The following MCF2 variants were observed in gnomAD, a reference collection of about 807,000 sequenced individuals.
MCF2 encodes the protein MCF.2 cell line derived transforming sequence, also known as proto-oncogene DBL.
Under a neutral mutation model 82.5 loss-of-function variants are expected in MCF2, and 44 were observed. The observed-to-expected ratio is 0.53, with a 90% CI of 0.42 to 0.69. MCF2 has a LOEUF of 0.69. Ranked by LOEUF, MCF2 falls within the 30% of genes least tolerant of loss-of-function variation. The pLI is 0.00. For missense variants in MCF2, 623 were observed against 663.1 expected (o/e 0.94, Z 0.66); for synonymous variants, 217 against 224.9 (o/e 0.96, Z 0.32).
At chrX:139,706,887 T>C (rs950421188) in intron 1 of MCF2, among the ~76,000 whole-genome samples, 70 of 109,819 alleles carry the variant, frequency 6.4e-4, no homozygotes, top group African/African-American at 2.0e-3. Context: ...TTTTCAGACA[T>C]AATTATTATT....
At chrX:139,647,458 G>A (rs1221719796), upstream of MCF2, among the ~76,000 whole-genome samples, 1 of 111,737 alleles carries the variant, frequency 8.9e-6, no homozygotes, top group Non-Finnish European at 1.9e-5. Context: ...AATTATCTGT[G>A]GGTCAAAATT....
At chrX:139,588,137 C>A (rs867445372) in intron 21 of MCF2, among the ~76,000 whole-genome samples, 11 of 111,762 alleles carry the variant, frequency 9.8e-5, no homozygotes, top group Middle Eastern at 9.3e-3. Context: ...TTCTCAACTG[C>A]TTCTTAAGCA....
intron 4 of MCF2, among the ~76,000 whole-genome samples, chrX:139,628,476 G>A (rs1056976240): frequency 5.4e-5 from 6 of 111,209 alleles, no homozygotes; most frequent in African/African-American, 2.0e-4. Context: ...CTAGAGGAAG[G>A]AGGGTGGGAG....
chrX:139,613,215 C>T lies in MCF2; in HGVS notation c.1363+1666G>A, dbSNP rs1931628491. 9 of 1,137,756 alleles carry T rather than the reference C, an allele frequency of 7.9e-6. No individual in the cohort carries two copies. Among genetic ancestry groups the T allele is most frequent in the Non-Finnish European group, 9.4e-6 (8 of 850,827 alleles). 93.8% of individuals were successfully genotyped at this position (1,137,756 alleles called of 1,213,427 possible). ...AAAAGTAATATAATAAAGATGGGTA[C>T]CTTTTGAAAAAAGTTTACATGCTTG... On this transcript the variant is annotated intron_variant, in intron 10 of 24. Transcript: ENST00000370576.
intron 15 of MCF2, 28 bp downstream of exon 19, chrX:139,604,653 T>C (rs1306413301): frequency 1.0e-6 from 1 of 988,761 alleles, no homozygotes; most frequent in African/African-American, 1.9e-5. Context: ...TGCATATTTA[T>C]ATATATTTAA....
chrX:139,594,067 A>C (rs1906165217), intron 19 of MCF2, among the ~76,000 whole-genome samples: 1 of 111,258 alleles, frequency 9.0e-6, no homozygotes, highest in African/African-American at 3.3e-5. Flanking sequence ...TGCTCAATGA[A>C]ATAAAAGAGG....
chrX:139,598,728 AT>A (rs1173359828), intron 16 of MCF2, among the ~76,000 whole-genome samples: 1 of 112,022 alleles, frequency 8.9e-6, no homozygotes, highest in African/African-American at 3.2e-5. Context: ...CATTTCAAAG[AT>A]TTAAAAGTTT....
intron 12 of MCF2, among the ~76,000 whole-genome samples, chrX:139,606,016 CATAT>C (rs71534302): frequency 1.0e-5 from 1 of 96,767 alleles, no homozygotes; most frequent in Non-Finnish European, 2.0e-5. Context: ...ATATATATAA[CATAT>C]ATATATATAT....
At chrX:139,693,985 G>A (rs1935331400) in intron 1 of MCF2, among the ~76,000 whole-genome samples, 2 of 112,085 alleles carry the variant, frequency 1.8e-5, no homozygotes, top group Admixed American at 1.9e-4. Context: ...CACTATACAT[G>A]TGTATGGGGA....
At chrX:139,678,085 C>T (rs138747439) in intron 1 of MCF2, among the ~76,000 whole-genome samples, 1,825 of 111,538 alleles carry the variant, frequency 0.016, 40 homozygotes, top group African/African-American at 0.056. Context: ...ATCGCTTGAG[C>T]CCAGGAGGTC....
At chrX:139,706,828 C>T (rs1038720877) in intron 1 of MCF2, among the ~76,000 whole-genome samples, 34 of 110,107 alleles carry the variant, frequency 3.1e-4, no homozygotes, top group Non-Finnish European at 7.6e-5. Flanking sequence ...CAGCTTGGAA[C>T]TTTATACTGC....
intron 1 of MCF2, chrX:139,642,428 T>C (rs575979196): frequency 1.7e-6 from 2 of 1,209,019 alleles, no homozygotes; most frequent in East Asian, 5.9e-5. Flanking sequence ...GCACTTGAAC[T>C]TGGGAACAGG....
chrX:139,591,446 T>G (rs959722978), intron 19 of MCF2, among the ~76,000 whole-genome samples: 2 of 110,983 alleles, frequency 1.8e-5, no homozygotes, highest in African/African-American at 3.3e-5. Flanking sequence ...AACCATTATG[T>G]GTTGCACATA....
intron 1 of MCF2, among the ~76,000 whole-genome samples, chrX:139,695,283 G>A (rs907606703): frequency 9.0e-6 from 1 of 111,368 alleles, no homozygotes; most frequent in African/African-American, 3.3e-5. Context: ...GCCCGCCTCG[G>A]CCTCCCAAAG....
At chrX:139,659,886 C>A (rs960224994) in intron 1 of MCF2, among the ~76,000 whole-genome samples, 5 of 112,061 alleles carry the variant, frequency 4.5e-5, no homozygotes, top group African/African-American at 1.6e-4. Context: ...TGCTGAGCAA[C>A]TAGTATCAAC....
At chrX:139,590,358 T>C (rs1398985475) in intron 19 of MCF2, among the ~76,000 whole-genome samples, 1 of 111,310 alleles carries the variant, frequency 9.0e-6, no homozygotes, top group Non-Finnish European at 1.9e-5. Flanking sequence ...CAAATTATAA[T>C]TTATTTTGAT....
At chrX:139,592,256 G>C (rs929876725) in intron 19 of MCF2, among the ~76,000 whole-genome samples, 1 of 111,346 alleles carries the variant, frequency 9.0e-6, no homozygotes, top group Non-Finnish European at 1.9e-5. Flanking sequence ...AATTTTTGTA[G>C]CTAGTAAGTC....
chrX:139,652,039 T>C (rs932231284), intron 1 of MCF2, among the ~76,000 whole-genome samples: 1 of 111,337 alleles, frequency 9.0e-6, no homozygotes. Context: ...CTACTCTCAC[T>C]CACCAGAAAG....
intron 1 of MCF2, among the ~76,000 whole-genome samples, chrX:139,701,316 G>C (rs918360570): frequency 8.9e-6 from 1 of 111,887 alleles, no homozygotes; most frequent in Non-Finnish European, 1.9e-5. Context: ...ACTTTTACGT[G>C]TCAACTTGGC....
Sources: gnomAD v4.1 joint callset for allele counts (sites outside exome capture counted in the v4.1 genomes callset) on GRCh38, gnomAD v4.1.1 for gene constraint, MANE v1.5 for transcripts, NCBI Gene and HGNC (gene_info 2026-07-23, HGNC 2026-07-21) for gene names.